The following KHDRBS2 variants were observed in gnomAD, a reference collection of about 807,000 sequenced individuals.
KHDRBS2 encodes the protein KH RNA binding domain containing, signal transduction associated 2.
Under a neutral mutation model 44.3 loss-of-function variants are expected in KHDRBS2, and 26 were observed. That is an observed-to-expected ratio of 0.59 (90% CI 0.43 to 0.81). The LOEUF is 0.81. KHDRBS2 is among the 40% of genes least tolerant of loss of function. The pLI, the probability that KHDRBS2 is intolerant of heterozygous loss-of-function variation, is 0.00. For synonymous variants in KHDRBS2, 194 were observed against 151.1 expected (o/e 1.28, Z -2.08); for missense variants, 476 against 433.1 (o/e 1.10, Z -0.88).
intron 1 of KHDRBS2, among the ~76,000 whole-genome samples, chr6:62,212,943 C>A (rs530011): frequency 0.18 from 27,632 of 151,982 alleles, 2,858 homozygotes; most frequent in African/African-American, 0.3. Flanking sequence ...AGAAAATCAC[C>A]TACTAGAAGA....
At chr6:62,254,494 CTG>C (rs1214262039) in intron 1 of KHDRBS2, among the ~76,000 whole-genome samples, 2 of 151,998 alleles carry the variant, frequency 1.3e-5, no homozygotes. Context: ...GAAAACCACT[CTG>C]TGCTGAGGCA....
chr6:62,048,121 TACACACAC>T (rs58133580), intron 2 of KHDRBS2, 127 bp from the exon 3 acceptor site: 101 of 405,614 alleles, frequency 2.5e-4, no homozygotes, highest in South Asian at 5.1e-4. Flanking sequence ...GCCATAAACA[TACACACAC>T]ACACACACAC....
At chr6:62,000,800 G>A (rs1471684505) in intron 3 of KHDRBS2, among the ~76,000 whole-genome samples, 2 of 152,120 alleles carry the variant, frequency 1.3e-5, no homozygotes, top group South Asian at 2.1e-4. Context: ...AGCATCACAT[G>A]TTCAAAATAT....
intron 4 of KHDRBS2, among the ~76,000 whole-genome samples, chr6:61,961,554 T>A (rs536987422): frequency 6.6e-6 from 1 of 152,140 alleles, no homozygotes; most frequent in African/African-American, 2.4e-5. Context: ...GTAGGGTTGT[T>A]GGAAAGGCCT....
intron 2 of KHDRBS2, among the ~76,000 whole-genome samples, chr6:62,130,218 C>G (rs1253505802): frequency 3.3e-5 from 5 of 152,064 alleles, no homozygotes; most frequent in Non-Finnish European, 7.4e-5. Context: ...AGAATCATCC[C>G]CTTTAATGAG....
chr6:62,000,843 G>C (rs539107664), intron 3 of KHDRBS2, among the ~76,000 whole-genome samples: 1 of 152,294 alleles, frequency 6.6e-6, no homozygotes, highest in African/African-American at 2.4e-5. Context: ...AATTGGAAAA[G>C]TATGGTCCTT....
intron 1 of KHDRBS2, among the ~76,000 whole-genome samples, chr6:62,233,865 T>A (rs1471476860): frequency 6.6e-6 from 1 of 152,184 alleles, no homozygotes; most frequent in Non-Finnish European, 1.5e-5. Context: ...ATGTACCACA[T>A]TTCCTTCATC....
In KHDRBS2 at chr6:61,749,150, C is replaced by T. The variant is rs1777294117; in HGVS notation, c.811-16386G>A. Among the ~76,000 whole-genome samples the T allele has an allele frequency of 2.0e-5, 3 of 151,384 alleles. No homozygotes were observed. In the South Asian group the frequency reaches 6.3e-4, roughly 32 times the overall value. ...GCTTCAGCCTCCCGAGTAGCTGGGA[C>T]TACAGGCGCCCGCCACCATGCCCGG... is the stretch of plus-strand genomic sequence containing the variant. On this transcript the variant is annotated intron_variant, in intron 6 of 8. Transcript: ENST00000281156.
chr6:62,223,703 T>C (rs1585279762), intron 1 of KHDRBS2, among the ~76,000 whole-genome samples: 1 of 152,252 alleles, frequency 6.6e-6, no homozygotes, highest in East Asian at 1.9e-4. Flanking sequence ...ATACCCTAAA[T>C]CATCTCTCCC....
chr6:61,920,057 C>G (rs543113348), intron 4 of KHDRBS2, among the ~76,000 whole-genome samples: 1 of 152,022 alleles, frequency 6.6e-6, no homozygotes, highest in Non-Finnish European at 1.5e-5. Flanking sequence ...TATAGCATTA[C>G]TATACAGTGG....
chr6:61,932,660 CGTG>C (rs949731640), intron 4 of KHDRBS2, among the ~76,000 whole-genome samples: 1 of 152,008 alleles, frequency 6.6e-6, no homozygotes, highest in African/African-American at 2.4e-5. Context: ...ATTAGCCGGG[CGTG>C]GTGGTGGGCA....
chr6:61,582,618 A>G, the KHDRBS2 span, among the ~76,000 whole-genome samples: 4 of 151,718 alleles, frequency 2.6e-5, no homozygotes, highest in Non-Finnish European at 5.9e-5. Flanking sequence ...TCTTTTTACA[A>G]TTTTATAAAG....
intron 6 of KHDRBS2, among the ~76,000 whole-genome samples, chr6:61,787,099 A>C (rs1417369139): frequency 1.3e-5 from 2 of 150,322 alleles, no homozygotes; most frequent in Non-Finnish European, 3.0e-5. Context: ...AAATATTCTT[A>C]AAAGTATGCT....
intron 4 of KHDRBS2, among the ~76,000 whole-genome samples, chr6:61,916,964 T>C (rs1469206978): frequency 1.8e-5 from 2 of 112,372 alleles, no homozygotes; most frequent in Admixed American, 1.1e-4. Context: ...AGGAACTCTG[T>C]ATTTTTTTTT....
At chr6:61,991,565 G>C (rs917765248) in intron 3 of KHDRBS2, among the ~76,000 whole-genome samples, 1 of 152,180 alleles carries the variant, frequency 6.6e-6, no homozygotes, top group Non-Finnish European at 1.5e-5. Flanking sequence ...AGTAGATATT[G>C]CCAGAATCAC....
intron 2 of KHDRBS2, among the ~76,000 whole-genome samples, chr6:62,134,161 G>A (rs1810983646): frequency 6.6e-6 from 1 of 152,128 alleles, no homozygotes; most frequent in African/African-American, 2.4e-5. Flanking sequence ...CAGAGGCCTA[G>A]GAGGAAAAAA....
chr6:61,543,807 G>A, the KHDRBS2 span, among the ~76,000 whole-genome samples: 1 of 152,080 alleles, frequency 6.6e-6, no homozygotes, highest in East Asian at 1.9e-4. Context: ...CAATACCATG[G>A]ATGGAGCTGG....
At chr6:62,031,178 G>A (rs529180900) in intron 3 of KHDRBS2, among the ~76,000 whole-genome samples, 1 of 152,134 alleles carries the variant, frequency 6.6e-6, no homozygotes, top group East Asian at 1.9e-4. Flanking sequence ...TGCCTTAAAG[G>A]GAAGGTGCCA....
At chr6:61,889,631 G>A (rs1248662084) in intron 6 of KHDRBS2, among the ~76,000 whole-genome samples, 1 of 152,072 alleles carries the variant, frequency 6.6e-6, no homozygotes, top group Non-Finnish European at 1.5e-5. Flanking sequence ...CCAGTTAACA[G>A]TCTCCTTGTT....
Sources: allele counts gnomAD v4.1 joint callset (sites outside exome capture counted in the v4.1 genomes callset), GRCh38; gene constraint gnomAD v4.1.1; transcripts MANE v1.5; gene names NCBI Gene and HGNC (gene_info 2026-07-23, HGNC 2026-07-21).